Variants in DEPDC4 observed in about 807,000 individuals in gnomAD.
The protein encoded by DEPDC4 is DEP domain-containing protein 4.
DEPDC4 carries 52 observed loss-of-function variants against 52.0 expected under a neutral mutation model. The observed-to-expected ratio is 1.00, with a 90% confidence interval of 0.80 to 1.26. The LOEUF is 1.26. Ranked by LOEUF, DEPDC4 falls within the 50% of genes most tolerant of loss-of-function variation. The probability of loss-of-function intolerance (pLI) is 0.00; values close to 1 mark genes in which losing one functional copy is unlikely to be tolerated. For synonymous variants in DEPDC4, 201 were observed against 196.8 expected, an observed-to-expected ratio of 1.02 and a Z score of -0.18; for missense variants, 530 against 546.9, an observed-to-expected ratio of 0.97 and a Z score of 0.31.
chr12:100,238,043 T>C (rs2096144517), downstream of DEPDC4: 1 of 983,172 alleles, frequency 1.0e-6, no homozygotes, highest in Non-Finnish European at 1.2e-6. Context: ...GGTGGCATGT[T>C]TCCAATATTT....
At chr12:100,231,751 A>G (rs1177306784) in intron 9 of DEPDC4, among the ~76,000 whole-genome samples, 1 of 152,136 alleles carries the variant, frequency 6.6e-6, no homozygotes, top group East Asian at 1.9e-4. Flanking sequence ...GCACTTTAAG[A>G]ATTAGGAAAA....
intron 5 of DEPDC4, 127 bp downstream of exon 5, chr12:100,253,362 C>T: frequency 2.7e-6 from 1 of 363,996 alleles, no homozygotes; most frequent in Non-Finnish European, 5.1e-6. Flanking sequence ...CTTGAAGTAC[C>T]TTGACATCAT....
intron 3 of DEPDC4, among the ~76,000 whole-genome samples, chr12:100,261,006 C>A (rs2096251746): frequency 6.6e-6 from 1 of 151,928 alleles, no homozygotes; most frequent in Admixed American, 6.6e-5. Context: ...CATGGTGAAA[C>A]CCGTGTCTAC....
In DEPDC4 at chr12:100,248,976, T is replaced by G; in HGVS notation, c.1377A>C (p.Thr459=). ...PLEYHSELFK[T]PVTLLDLVSK... is the part of the protein sequence containing the mutation. Reference sequence around the variant, plus strand: ...TAACCAGATCCAATAAAGTAACTGGTGTCTACACAAAACAGGTATTTTCAA... The same window carrying G: ...TAACCAGATCCAATAAAGTAACTGGGGTCTACACAAAACAGGTATTTTCAA... The change falls in exon 8 of 10, where the codon ACA becomes ACC. Residue 459 remains threonine (T), a splice_region_variant and synonymous_variant. Coordinates refer to ENST00000550587, the MANE Select transcript of DEPDC4 (RefSeq NM_001364818.2). 1.0e-6 allele frequency: 1 copy of G among 981,944 alleles called. No individual in the cohort carries two copies. The highest frequency in any genetic ancestry group is 4.7e-5 in the South Asian group (1 of 21,188). 60.8% of individuals were successfully genotyped at this position (981,944 alleles called of 1,614,324 possible).
intron 1 of DEPDC4, among the ~76,000 whole-genome samples, chr12:100,266,095 T>TA (rs1390175883): frequency 6.6e-6 from 1 of 152,110 alleles, no homozygotes; most frequent in Non-Finnish European, 1.5e-5. Context: ...TAAAATTAAT[T>TA]AAAAAAATTA....
Position 100,253,573 on chromosome 12 carries a change from T to C in DEPDC4, c.1021A>G (p.Ile341Val), listed in dbSNP as rs1789988899. ...NSQKKILFDV[I>V]AKYYAQERDC... ...CTCTCTTGAGCATAGTATTTTGCTA[T>C]GACATCAAAGAGTATCTTCTTCTGA... Residue 341 changes from isoleucine (I) to valine (V), a missense_variant, in exon 5 of 10, where the codon ATA (isoleucine) becomes GTA (valine). Transcript: ENST00000550587. 7 of 1,288,980 alleles carry C rather than the reference T, an allele frequency of 5.4e-6. No individual in the cohort carries two copies. Among genetic ancestry groups the C allele is most frequent in the Non-Finnish European group, 7.1e-6 (7 of 988,386 alleles). 79.8% of individuals were successfully genotyped at this position (1,288,980 alleles called of 1,614,324 possible). A position where few individuals can be genotyped will look rare whatever the true frequency, so the allele number is the denominator to read the frequency against.
chr12:100,266,442 G>C (rs575526390), intron 1 of DEPDC4, among the ~76,000 whole-genome samples: 1 of 152,204 alleles, frequency 6.6e-6, no homozygotes, highest in Non-Finnish European at 1.5e-5. Context: ...CAGCGGTACA[G>C]CCTGTTTTCC....
downstream of DEPDC4, among the ~76,000 whole-genome samples, chr12:100,238,317 C>T (rs2096145480): frequency 1.3e-5 from 2 of 151,702 alleles, no homozygotes; most frequent in Admixed American, 1.3e-4. Flanking sequence ...CACCAACACT[C>T]CCGGCTAATT....
intron 9 of DEPDC4, among the ~76,000 whole-genome samples, chr12:100,232,860 G>A (rs1373719900): frequency 2.6e-5 from 4 of 152,008 alleles, no homozygotes; most frequent in African/African-American, 7.3e-5. Context: ...CTCCAGCCTG[G>A]GCAACAAGAG....
chr12:100,236,315 T>C (rs1030920499), downstream of DEPDC4, among the ~76,000 whole-genome samples: 6 of 152,216 alleles, frequency 3.9e-5, no homozygotes, highest in African/African-American at 1.4e-4. Flanking sequence ...ACCAGTAATG[T>C]AGAAGTGTTC....
At chr12:100,256,865 T>A (rs1251185147) in intron 3 of DEPDC4, among the ~76,000 whole-genome samples, 1 of 151,938 alleles carries the variant, frequency 6.6e-6, no homozygotes, top group Non-Finnish European at 1.5e-5. Flanking sequence ...ATGGTCTCGA[T>A]CTCCTGACCT....
chr12:100,240,259 A>G lies in DEPDC4; in HGVS notation c.*1633T>C, dbSNP rs2096153140. 6.6e-6 allele frequency among the ~76,000 whole-genome samples: 1 copy of G among 152,082 alleles called. No homozygotes were observed. Among genetic ancestry groups the G allele is most frequent in the African/African-American group, 2.4e-5 (1 of 41,406 alleles). On this transcript the variant is annotated 3_prime_UTR_variant, in exon 10 of 10. Coordinates refer to ENST00000550587, the MANE Select transcript of DEPDC4 (RefSeq NM_001364818.2). Reference sequence around the variant, plus strand: ...AGCCTAAAACTCCTGGGCTCAAGAGATCCTCCCACCTCAGCCTCCTGAGTA... The same window carrying G: ...AGCCTAAAACTCCTGGGCTCAAGAGGTCCTCCCACCTCAGCCTCCTGAGTA...
the DEPDC4 span, among the ~76,000 whole-genome samples, chr12:100,274,047 C>A: frequency 6.6e-6 from 1 of 152,096 alleles, no homozygotes; most frequent in South Asian, 2.1e-4. Flanking sequence ...TTTCATAATG[C>A]CAGTAGCAAC....
chr12:100,234,264 A>G (rs561457935), intron 9 of DEPDC4, among the ~76,000 whole-genome samples: 1 of 152,214 alleles, frequency 6.6e-6, no homozygotes, highest in Non-Finnish European at 1.5e-5. Context: ...TCAGAGAGAG[A>G]TACTAGCCTC....
At chr12:100,267,219 C>T (rs536550738), upstream of DEPDC4, 29 of 838,574 alleles carry the variant, frequency 3.5e-5, no homozygotes, top group Middle Eastern at 3.7e-4. Flanking sequence ...CGGTCCCTCC[C>T]CTCCCCACCC....
rs1340732308 is a variant in DEPDC4, at chr12:100,241,790, C to T, written c.*102G>A. 3.2e-6 allele frequency: 4 copies of T among 1,261,550 alleles called. No individual in the cohort carries two copies. Among genetic ancestry groups the T allele is most frequent in the Non-Finnish European group, 4.1e-6 (4 of 975,338 alleles). 78.1% of individuals were successfully genotyped at this position (1,261,550 alleles called of 1,614,324 possible). On this transcript the variant is annotated 3_prime_UTR_variant, in exon 10 of 10. Transcript: ENST00000550587. The stretch of plus-strand genomic sequence containing the variant: ...CCAACTGGTGTAGATACTGAATTGT[C>T]CTTCCCTTCTGCTTTTCAAACTCCT...
the DEPDC4 span, among the ~76,000 whole-genome samples, chr12:100,272,852 T>A: frequency 1.3e-5 from 2 of 152,318 alleles, no homozygotes; most frequent in East Asian, 3.9e-4. Context: ...ATGTGAAATA[T>A]AACACATAAA....
the DEPDC4 span, among the ~76,000 whole-genome samples, chr12:100,274,253 A>G: frequency 1.3e-5 from 2 of 152,242 alleles, no homozygotes; most frequent in African/African-American, 2.4e-5. Flanking sequence ...TTGTGTATCC[A>G]ATAATTTTGA....
At chr12:100,280,246 TTAGAG>T in the DEPDC4 span, among the ~76,000 whole-genome samples, 5 of 152,256 alleles carry the variant, frequency 3.3e-5, no homozygotes, top group Admixed American at 2.0e-4. Context: ...ATTTATTTAC[TTAGAG>T]TAATATTTTT....
Sources: gnomAD v4.1 joint callset for allele counts (sites outside exome capture counted in the v4.1 genomes callset) on GRCh38, gnomAD v4.1.1 for gene constraint, MANE v1.5 for transcripts, NCBI Gene and HGNC (gene_info 2026-07-23, HGNC 2026-07-21) for gene names.